The following PDE3A variants were observed in gnomAD, a reference collection of about 807,000 sequenced individuals.
PDE3A encodes cGMP-inhibited 3',5'-cyclic phosphodiesterase 3A.
A neutral mutation model predicts 98.3 loss-of-function variants in PDE3A; 43 were observed. The ratio of observed to expected loss-of-function variants is 0.44; its 90% confidence interval spans 0.34 to 0.56. PDE3A has a LOEUF of 0.56. Ranked by LOEUF, PDE3A falls within the 20% of genes least tolerant of loss-of-function variation. The probability of loss-of-function intolerance (pLI) is 0.01; values close to 1 mark genes in which losing one functional copy is unlikely to be tolerated. For missense variants in PDE3A, 1,427 were observed against 1,440.7 expected, an observed-to-expected ratio of 0.99 and a Z score of 0.15; for synonymous variants, 663 against 567.9, an observed-to-expected ratio of 1.17 and a Z score of -2.38.
At chr12:20,377,021 G>A (rs1310712448) in intron 1 of PDE3A, among the ~76,000 whole-genome samples, 1 of 151,422 alleles carries the variant, frequency 6.6e-6, no homozygotes, top group African/African-American at 2.4e-5. Context: ...CTTTCCTCCT[G>A]AGAAGATGAC....
chr12:20,384,565 G>A (rs145612778), intron 1 of PDE3A, among the ~76,000 whole-genome samples: 90 of 151,932 alleles, frequency 5.9e-4, no homozygotes, highest in African/African-American at 2.1e-3. Context: ...TACATGTGCA[G>A]GATGTGCAGG....
chr12:20,574,054 A>G (rs961830942), intron 2 of PDE3A, among the ~76,000 whole-genome samples: 11 of 152,106 alleles, frequency 7.2e-5, no homozygotes, highest in Non-Finnish European at 1.5e-4. Context: ...CCAAACCTAT[A>G]TAGCTCTTTA....
chr12:20,657,909 C>T (rs1945080039), intron 15 of PDE3A, among the ~76,000 whole-genome samples: 1 of 152,144 alleles, frequency 6.6e-6, no homozygotes, highest in Non-Finnish European at 1.5e-5. Flanking sequence ...ATGTGTATAA[C>T]TTTAAGATGA....
At chr12:20,541,239 A>C (rs1420362003) in intron 1 of PDE3A, among the ~76,000 whole-genome samples, 1 of 151,268 alleles carries the variant, frequency 6.6e-6, no homozygotes, top group African/African-American at 2.4e-5. Flanking sequence ...TAGGACTACC[A>C]GGTGCACAAC....
intron 1 of PDE3A, among the ~76,000 whole-genome samples, chr12:20,489,626 T>G (rs60526859): frequency 6.6e-6 from 1 of 152,146 alleles, no homozygotes; most frequent in African/African-American, 2.4e-5. Context: ...ATGTTTTATA[T>G]ATGTGATCAT....
chr12:20,482,341 G>A (rs973599458), intron 1 of PDE3A, among the ~76,000 whole-genome samples: 10 of 151,882 alleles, frequency 6.6e-5, no homozygotes, highest in Non-Finnish European at 1.3e-4. Flanking sequence ...ATGGCATAGA[G>A]AAATTCCCTC....
chr12:20,394,002 G>C (rs560486528), intron 1 of PDE3A, among the ~76,000 whole-genome samples: 1 of 152,142 alleles, frequency 6.6e-6, no homozygotes, highest in Non-Finnish European at 1.5e-5. Context: ...ACAAATCGCA[G>C]CTCTATAAAC....
chr12:20,619,960 A>G (rs937932650), intron 4 of PDE3A, among the ~76,000 whole-genome samples: 1 of 152,116 alleles, frequency 6.6e-6, no homozygotes, highest in African/African-American at 2.4e-5. Context: ...TAATGGATAC[A>G]GACAATAGTA....
chr12:20,416,997 C>T (rs909910184), intron 1 of PDE3A, among the ~76,000 whole-genome samples: 1 of 152,028 alleles, frequency 6.6e-6, no homozygotes, highest in Non-Finnish European at 1.5e-5. Context: ...TTATTTAAAA[C>T]AGAAATAGAA....
At chr12:20,641,208 T>A (rs1944641170) in intron 10 of PDE3A, among the ~76,000 whole-genome samples, 1 of 152,108 alleles carries the variant, frequency 6.6e-6, no homozygotes, top group African/African-American at 2.4e-5. Context: ...TGAGATTTTC[T>A]GAAGAATGTG....
chr12:20,488,774 C>A (rs753211253), intron 1 of PDE3A, among the ~76,000 whole-genome samples: 5 of 151,276 alleles, frequency 3.3e-5, no homozygotes, highest in Non-Finnish European at 7.4e-5. Context: ...CCCAGCTACT[C>A]GAGAGGCTGA....
intron 1 of PDE3A, among the ~76,000 whole-genome samples, chr12:20,527,669 G>A (rs1946550023): frequency 6.6e-6 from 1 of 152,108 alleles, no homozygotes; most frequent in African/African-American, 2.4e-5. Context: ...TATTAGATCT[G>A]CAGCTGGCTG....
At chr12:20,619,125 C>G (rs1261759335) in intron 4 of PDE3A, among the ~76,000 whole-genome samples, 1 of 151,898 alleles carries the variant, frequency 6.6e-6, no homozygotes, top group Non-Finnish European at 1.5e-5. Context: ...GGGTCTCACA[C>G]AGCAATATAT....
Position 20,684,996 on chromosome 12 carries a change from G to A in PDE3A, c.*4725G>A, listed in dbSNP as rs796145863. Among the ~76,000 whole-genome samples, 1 of 152,154 alleles carries A rather than the reference G, an allele frequency of 6.6e-6. No individual in the cohort carries two copies. The highest frequency in any genetic ancestry group is 2.1e-4 in the South Asian group (1 of 4,826). ...GCAATGTGTGCTATTGCCAACACAT[G>A]GTATTTGTTGAAATACATGTTGCTT... is the stretch of plus-strand genomic sequence containing the variant. On this transcript the variant is annotated 3_prime_UTR_variant, in exon 16 of 16. Transcript: ENST00000359062.
At chr12:20,622,189 T>A (rs11608844) in intron 5 of PDE3A, among the ~76,000 whole-genome samples, 30,614 of 152,070 alleles carry the variant, frequency 0.2, 3,267 homozygotes, top group Admixed American at 0.23. Context: ...ATTCAAGTTC[T>A]GGCTTCCATG....
At chr12:20,554,853 T>G (rs891837917) in intron 1 of PDE3A, among the ~76,000 whole-genome samples, 2 of 152,212 alleles carry the variant, frequency 1.3e-5, no homozygotes, top group African/African-American at 4.8e-5. Context: ...ATACAAAATA[T>G]TTTTGATGTT....
At chr12:20,538,009 A>G (rs150689039) in intron 1 of PDE3A, among the ~76,000 whole-genome samples, 23 of 152,306 alleles carry the variant, frequency 1.5e-4, no homozygotes, top group African/African-American at 5.5e-4. Flanking sequence ...AACCAAACGC[A>G]TAATAGAAAT....
intron 2 of PDE3A, among the ~76,000 whole-genome samples, chr12:20,564,096 T>G (rs768896010): frequency 1.2e-4 from 19 of 152,156 alleles, no homozygotes; most frequent in Non-Finnish European, 2.4e-4. Flanking sequence ...CATTTCTCTC[T>G]GTCCTCAGAG....
intron 1 of PDE3A, among the ~76,000 whole-genome samples, chr12:20,500,210 T>C (rs948934550): frequency 6.6e-6 from 1 of 152,206 alleles, no homozygotes; most frequent in Admixed American, 6.6e-5. Flanking sequence ...GGGAGACATT[T>C]AAGAGTTTTC....
Sources: gnomAD v4.1 joint callset for allele counts (sites outside exome capture counted in the v4.1 genomes callset) on GRCh38, gnomAD v4.1.1 for gene constraint, MANE v1.5 for transcripts, NCBI Gene and HGNC (gene_info 2026-07-23, HGNC 2026-07-21) for gene names.